CSRNP3: variants seen among roughly 807,000 people sequenced by gnomAD.
CSRNP3 encodes cysteine and serine rich nuclear protein 3.
In CSRNP3, 12 loss-of-function variants were observed where a neutral mutation model predicts 48.0. The observed-to-expected ratio is 0.25, with a 90% CI of 0.16 to 0.41. The LOEUF (loss-of-function observed/expected upper bound fraction) is 0.41. Among genes scored for constraint, CSRNP3 ranks in the 10% least tolerant of loss-of-function variants. The probability of loss-of-function intolerance (pLI) is 1.00; values close to 1 mark genes in which losing one functional copy is unlikely to be tolerated. For missense variants in CSRNP3, 580 were observed against 724.4 expected, an observed-to-expected ratio of 0.80 and a Z score of 2.29; for synonymous variants, 263 against 269.7, an observed-to-expected ratio of 0.98 and a Z score of 0.24.
At position 165,589,052 on chromosome 2, in the gene CSRNP3, C is replaced by T. The variant is rs536242314; in HGVS notation, c.-23-5991C>T. On this transcript the variant is annotated intron_variant, in intron 3 of 6. Transcript: ENST00000651982. ...TGTATACTACCAAGTTTAATTTGGC[C>T]TCATCTTTAGGAACAAAAATATAAT... 7.2e-5 allele frequency among the ~76,000 whole-genome samples: 11 copies of T among 152,206 alleles called. No homozygotes were observed. In the South Asian group the frequency reaches 1.2e-3, roughly 17 times the overall value.
chr2:165,653,846 C>A (rs1342664709), intron 4 of CSRNP3, among the ~76,000 whole-genome samples: 2 of 151,586 alleles, frequency 1.3e-5, no homozygotes, highest in African/African-American at 4.9e-5. Flanking sequence ...GTGGCAGATA[C>A]CTGTAATCCC....
Position 165,520,788 on chromosome 2 carries a change from T to C in CSRNP3, c.-24+2827T>C, listed in dbSNP as rs1250324603. Among the ~76,000 whole-genome samples the C allele has an allele frequency of 7.5e-4, 7 of 9,312 alleles. 1 individual carries two copies. Among genetic ancestry groups the C allele is most frequent in the Non-Finnish European group, 1.3e-3 (7 of 5,482 alleles). 6.1% of individuals were successfully genotyped at this position (9,312 alleles called of 152,430 possible). ...AAATATATTATATATATATATTATA[T>C]ATATATATATATATATATATATATA... is the stretch of plus-strand genomic sequence containing the variant. On this transcript the variant is annotated intron_variant, in intron 3 of 6. Coordinates refer to ENST00000651982, the MANE Select transcript of CSRNP3 (RefSeq NM_001172173.2).
chr2:165,548,290 C>T (rs576817874), intron 3 of CSRNP3, among the ~76,000 whole-genome samples: 1 of 152,172 alleles, frequency 6.6e-6, no homozygotes, highest in Non-Finnish European at 1.5e-5. Context: ...ATTCCCATTT[C>T]TGCCACTTAC....
chr2:165,666,391 GA>G (rs372401078), intron 5 of CSRNP3, among the ~76,000 whole-genome samples: 9 of 74,082 alleles, frequency 1.2e-4, no homozygotes, highest in Admixed American at 9.9e-4. Context: ...GAGAGAGAGA[GA>G]AAGGAAGGAA....
chr2:165,505,521 A>T (rs532594416), intron 2 of CSRNP3, among the ~76,000 whole-genome samples: 1 of 152,172 alleles, frequency 6.6e-6, no homozygotes, highest in African/African-American at 2.4e-5. Context: ...ATAGCTGCAG[A>T]TGAACTTCAG....
intron 2 of CSRNP3, among the ~76,000 whole-genome samples, chr2:165,512,221 C>T (rs550167009): frequency 1.3e-5 from 2 of 152,270 alleles, no homozygotes; most frequent in South Asian, 4.1e-4. Flanking sequence ...ACATGTTTTT[C>T]AATCCCTTCT....
Position 165,683,398 on chromosome 2 carries a change from A to G in CSRNP3, c.*3645A>G, listed in dbSNP as rs1687578344. Reference sequence around the variant, plus strand: ...AAAAACTATGAGTTGCAAAAACACTAGTTACGAATTAATCAAGAAGCAAAG... The same window carrying G: ...AAAAACTATGAGTTGCAAAAACACTGGTTACGAATTAATCAAGAAGCAAAG... On this transcript the variant is annotated 3_prime_UTR_variant, in exon 7 of 7. Transcript: ENST00000651982. 6.6e-6 allele frequency: 1 copy of G among 152,080 alleles called. No homozygotes were observed. The highest frequency in any genetic ancestry group is 2.4e-5 in the African/African-American group (1 of 41,416). 9.4% of individuals were successfully genotyped at this position (152,080 alleles called of 1,614,324 possible).
intron 2 of CSRNP3, among the ~76,000 whole-genome samples, chr2:165,501,534 C>G (rs1684359346): frequency 6.6e-6 from 1 of 152,170 alleles, no homozygotes; most frequent in African/African-American, 2.4e-5. Context: ...ATTTCCCCCA[C>G]ATTGCTGAAT....
At chr2:165,567,902 A>G (rs1203936338) in intron 3 of CSRNP3, among the ~76,000 whole-genome samples, 1 of 152,098 alleles carries the variant, frequency 6.6e-6, no homozygotes, top group Non-Finnish European at 1.5e-5. Flanking sequence ...ACAATGCTGG[A>G]AAGTTTAACC....
At chr2:165,611,379 G>GTGTTTGTA (rs56146559) in intron 4 of CSRNP3, among the ~76,000 whole-genome samples, 1 of 150,944 alleles carries the variant, frequency 6.6e-6, no homozygotes, top group Non-Finnish European at 1.5e-5. Flanking sequence ...GTGTGTGTGT[G>GTGTTTGTA]TATATACATA....
intron 6 of CSRNP3, 81 bp from the exon 7 acceptor site, chr2:165,678,620 C>T: frequency 6.7e-7 from 1 of 1,498,492 alleles, no homozygotes; most frequent in Non-Finnish European, 9.0e-7. Context: ...TTACTTAATT[C>T]AAAGAAGTTA....
At chr2:165,677,568 A>C (rs929283599) in intron 6 of CSRNP3, among the ~76,000 whole-genome samples, 4 of 145,024 alleles carry the variant, frequency 2.8e-5, no homozygotes, top group Non-Finnish European at 6.1e-5. Flanking sequence ...ATGGGTTCAC[A>C]GAAAGATTCA....
chr2:165,497,076 C>G (rs1399425), intron 2 of CSRNP3, among the ~76,000 whole-genome samples: 2,409 of 152,068 alleles, frequency 0.016, 61 homozygotes, highest in African/African-American at 0.054. Context: ...GAACAGTTTC[C>G]TGGAAGGTTA....
At chr2:165,480,532 T>C (rs1024763949) in intron 1 of CSRNP3, among the ~76,000 whole-genome samples, 2 of 152,046 alleles carry the variant, frequency 1.3e-5, no homozygotes, top group African/African-American at 4.8e-5. Flanking sequence ...AATTATTATC[T>C]TGAGTAGCTG....
chr2:165,633,316 C>T (rs897707838), intron 4 of CSRNP3, among the ~76,000 whole-genome samples: 2 of 152,138 alleles, frequency 1.3e-5, no homozygotes, highest in Non-Finnish European at 2.9e-5. Flanking sequence ...CTAGAGTAAG[C>T]GGATTTATAG....
At chr2:165,650,624 T>TG (rs1431812936) in intron 4 of CSRNP3, among the ~76,000 whole-genome samples, 1 of 152,238 alleles carries the variant, frequency 6.6e-6, no homozygotes, top group East Asian at 1.9e-4. Context: ...GATTTAGTCT[T>TG]GATTTGTTCT....
At chr2:165,562,509 A>G (rs758419690) in intron 3 of CSRNP3, among the ~76,000 whole-genome samples, 1 of 152,166 alleles carries the variant, frequency 6.6e-6, no homozygotes, top group Admixed American at 6.5e-5. Context: ...CCAGCTTTTC[A>G]TCTGGTTCAT....
At chr2:165,624,036 A>G (rs1217404501) in intron 4 of CSRNP3, among the ~76,000 whole-genome samples, 1 of 152,124 alleles carries the variant, frequency 6.6e-6, no homozygotes, top group African/African-American at 2.4e-5. Context: ...TACAACCAAC[A>G]ACAAAAGAGT....
intron 5 of CSRNP3, among the ~76,000 whole-genome samples, chr2:165,658,464 A>C (rs559709342): frequency 6.6e-6 from 1 of 152,340 alleles, no homozygotes; most frequent in South Asian, 2.1e-4. Flanking sequence ...CAAGGAGGTC[A>C]AGGAAAGCTT....
Sources: gnomAD v4.1 joint callset for allele counts (sites outside exome capture counted in the v4.1 genomes callset) on GRCh38, gnomAD v4.1.1 for gene constraint, MANE v1.5 for transcripts, NCBI Gene and HGNC (gene_info 2026-07-23, HGNC 2026-07-21) for gene names.